The following MGMT variants were observed in gnomAD, a reference collection of about 807,000 sequenced individuals.
MGMT encodes the protein methylated-DNA--protein-cysteine methyltransferase.
In MGMT, 14 loss-of-function variants were observed where a neutral mutation model predicts 15.9. The observed-to-expected ratio is 0.88, with a 90% CI of 0.58 to 1.37. The LOEUF is 1.37. MGMT is among the 40% of genes most tolerant of loss of function. MGMT has a pLI of 0.00. For missense variants in MGMT, 282 were observed against 268.1 expected, an observed-to-expected ratio of 1.05 and a Z score of -0.36; for synonymous variants, 130 against 118.2, an observed-to-expected ratio of 1.10 and a Z score of -0.65.
At chr10:129,511,485 T>A (rs1470460685) in intron 1 of MGMT, among the ~76,000 whole-genome samples, 1 of 152,234 alleles carries the variant, frequency 6.6e-6, no homozygotes, top group African/African-American at 2.4e-5. Context: ...CGCAGCCACG[T>A]GCTTCTTGTA....
At chr10:129,700,340 T>G (rs1396330744) in intron 2 of MGMT, 1 of 152,226 alleles carries the variant, frequency 6.6e-6, no homozygotes, top group Non-Finnish European at 1.5e-5. Context: ...TATAGAATAT[T>G]CAAATAATTG....
intron 2 of MGMT, among the ~76,000 whole-genome samples, chr10:129,562,604 A>G (rs886459904): frequency 1.3e-5 from 2 of 152,164 alleles, no homozygotes; most frequent in African/African-American, 2.4e-5. Flanking sequence ...TCCCCATTAC[A>G]GATGGAATTA....
At chr10:129,668,085 T>C (rs1847679882) in intron 2 of MGMT, among the ~76,000 whole-genome samples, 1 of 152,200 alleles carries the variant, frequency 6.6e-6, no homozygotes, top group South Asian at 2.1e-4. Context: ...GTCAAGGTAG[T>C]TTTTAGTCAA....
intron 1 of MGMT, among the ~76,000 whole-genome samples, chr10:129,511,879 A>G (rs975525644): frequency 5.9e-5 from 9 of 152,160 alleles, no homozygotes; most frequent in African/African-American, 2.2e-4. Flanking sequence ...ACAAGCTCCC[A>G]GCACTGGCCG....
intron 1 of MGMT, among the ~76,000 whole-genome samples, chr10:129,493,850 T>C (rs1025119749): frequency 1.3e-5 from 2 of 152,232 alleles, no homozygotes; most frequent in Non-Finnish European, 2.9e-5. Flanking sequence ...AGTGAAACTC[T>C]AGAGGCTTGT....
chr10:129,536,562 G>A, intron 2 of MGMT, 185 bp downstream of exon 2: 1 of 663,748 alleles, frequency 1.5e-6, no homozygotes, highest in Non-Finnish European at 2.4e-6. Context: ...GCTTCCCTGT[G>A]TGTTGCCCAG....
At chr10:129,734,405 G>C (rs1040134894) in intron 3 of MGMT, among the ~76,000 whole-genome samples, 26 of 149,338 alleles carry the variant, frequency 1.7e-4, no homozygotes, top group African/African-American at 5.8e-4. Flanking sequence ...TTTGTACATT[G>C]ATTTTGTATC....
intron 1 of MGMT, among the ~76,000 whole-genome samples, chr10:129,526,412 C>T (rs966910420): frequency 6.6e-6 from 1 of 152,054 alleles, no homozygotes; most frequent in Non-Finnish European, 1.5e-5. Flanking sequence ...CTTCCTCCCC[C>T]AGGTGAGCCA....
intron 1 of MGMT, among the ~76,000 whole-genome samples, chr10:129,471,249 G>T (rs1193851958): frequency 6.6e-6 from 1 of 152,226 alleles, no homozygotes; most frequent in Non-Finnish European, 1.5e-5. Context: ...TATGCATAGA[G>T]GTTTAGAAAG....
At chr10:129,551,923 C>T (rs576699719) in intron 2 of MGMT, among the ~76,000 whole-genome samples, 1 of 152,292 alleles carries the variant, frequency 6.6e-6, no homozygotes, top group Admixed American at 6.5e-5. Context: ...AGGCGAGTCC[C>T]CAGGGTGTGG....
Position 129,759,184 on chromosome 10 carries a change from C to T in MGMT, c.275-18C>T. On this transcript the variant is annotated intron_variant, in intron 3 of 4. Transcript: ENST00000651593. ...AGCCGTTTGTCCAAATAACATTATC[C>T]TGCATTCTTCCTTTCAGAGTCGTTC... The T allele has an allele frequency of 6.2e-7, 1 of 1,614,054 alleles. No individual in the cohort carries two copies. Among genetic ancestry groups the T allele is most frequent in the Non-Finnish European group, 8.5e-7 (1 of 1,179,966 alleles).
At chr10:129,511,655 T>G (rs1419853928) in intron 1 of MGMT, among the ~76,000 whole-genome samples, 1 of 152,166 alleles carries the variant, frequency 6.6e-6, no homozygotes, top group Admixed American at 6.5e-5. Flanking sequence ...AGTTTTTTAG[T>G]GAGGAGACCT....
intron 2 of MGMT, among the ~76,000 whole-genome samples, chr10:129,584,735 C>T (rs1187333663): frequency 1.3e-5 from 2 of 152,204 alleles, no homozygotes; most frequent in Admixed American, 6.5e-5. Context: ...CGGAATCCTG[C>T]ACCATGTGGC....
At chr10:129,584,774 G>A (rs559085772) in intron 2 of MGMT, among the ~76,000 whole-genome samples, 1 of 152,134 alleles carries the variant, frequency 6.6e-6, no homozygotes, top group South Asian at 2.1e-4. Flanking sequence ...TTCCCTTCGT[G>A]TGGTGTTTTC....
chr10:129,507,235 G>A (rs1352964016), intron 1 of MGMT, among the ~76,000 whole-genome samples: 2 of 152,212 alleles, frequency 1.3e-5, no homozygotes, highest in Non-Finnish European at 2.9e-5. Context: ...TGTGCGTGGT[G>A]CTGCAGTCTC....
At chr10:129,647,357 C>G (rs1046694609) in intron 2 of MGMT, among the ~76,000 whole-genome samples, 1 of 152,140 alleles carries the variant, frequency 6.6e-6, no homozygotes, top group Non-Finnish European at 1.5e-5. Context: ...ACGTTAAATG[C>G]ATAAAATTAA....
intron 2 of MGMT, among the ~76,000 whole-genome samples, chr10:129,596,083 T>A (rs1846747592): frequency 6.9e-6 from 1 of 145,984 alleles, no homozygotes; most frequent in African/African-American, 2.4e-5. Context: ...ATTGCTTACT[T>A]CCCCCTGCCC....
chr10:129,494,124 A>G (rs1448544617), intron 1 of MGMT, among the ~76,000 whole-genome samples: 1 of 152,268 alleles, frequency 6.6e-6, no homozygotes, highest in African/African-American at 2.4e-5. Context: ...GATGTTTAAT[A>G]TAGTGTTTTG....
intron 2 of MGMT, among the ~76,000 whole-genome samples, chr10:129,639,320 A>G (rs1404417229): frequency 6.6e-6 from 1 of 152,206 alleles, no homozygotes; most frequent in East Asian, 1.9e-4. Flanking sequence ...TCAGTTCACC[A>G]AAAAGACCTA....
Sources: allele counts gnomAD v4.1 joint callset (sites outside exome capture counted in the v4.1 genomes callset), GRCh38; gene constraint gnomAD v4.1.1; transcripts MANE v1.5; gene names NCBI Gene and HGNC (gene_info 2026-07-23, HGNC 2026-07-21).